Variants in GRIK3 observed in about 807,000 individuals in gnomAD.
GRIK3 encodes the protein glutamate receptor ionotropic, kainate 3.
Under a neutral mutation model 102.5 loss-of-function variants are expected in GRIK3, and 29 were observed. That is an observed-to-expected ratio of 0.28 (90% CI 0.21 to 0.39). The LOEUF (loss-of-function observed/expected upper bound fraction) is 0.39, where lower values mean the gene tolerates loss of function less well. Ranked by LOEUF, GRIK3 falls within the 10% of genes least tolerant of loss-of-function variation. GRIK3 has a pLI of 1.00. For missense variants in GRIK3, 908 were observed against 1,252.4 expected, an observed-to-expected ratio of 0.73 and a Z score of 4.15; for synonymous variants, 511 against 504.9, an observed-to-expected ratio of 1.01 and a Z score of -0.16.
At chr1:36,846,465 CT>C (rs1157905868) in intron 9 of GRIK3, among the ~76,000 whole-genome samples, 2 of 152,200 alleles carry the variant, frequency 1.3e-5, no homozygotes, top group African/African-American at 4.8e-5. Flanking sequence ...GAAACTCCCC[CT>C]TATCAGGGGT....
intron 1 of GRIK3, among the ~76,000 whole-genome samples, chr1:36,931,288 C>T (rs1641585524): frequency 6.6e-6 from 1 of 152,210 alleles, no homozygotes; most frequent in South Asian, 2.1e-4. Flanking sequence ...TTCCTACTGA[C>T]ATCAGCTCCC....
rs1381871849 is a variant in GRIK3 at position 36,850,719 on chromosome 1, C to T, written c.1213-295G>A. On this transcript the variant is annotated intron_variant, in intron 8 of 15. Transcript: ENST00000373091. The surrounding 1 kb of genome is among the most constrained non-coding windows in gnomAD (Gnocchi z 4.0). The stretch of plus-strand genomic sequence containing the variant: ...AAAATGCAGAGAGAGACAGCAAATG[C>T]GAAGGCAGCCCCAGGGGTCTCAGGG... 2.0e-5 allele frequency among the ~76,000 whole-genome samples: 3 copies of T among 152,174 alleles called. No homozygotes were observed. The highest frequency in any genetic ancestry group is 4.4e-5 in the Non-Finnish European group (3 of 68,034).
chr1:36,914,551 C>T (rs906150139), intron 1 of GRIK3, among the ~76,000 whole-genome samples: 5 of 152,174 alleles, frequency 3.3e-5, no homozygotes, highest in Admixed American at 2.0e-4. Flanking sequence ...GTTACAGTGA[C>T]TTGGGCAAAA....
At chr1:37,010,898 C>A (rs1249461382) in intron 1 of GRIK3, among the ~76,000 whole-genome samples, 1 of 152,028 alleles carries the variant, frequency 6.6e-6, no homozygotes, top group Non-Finnish European at 1.5e-5. Flanking sequence ...CCCACCACCG[C>A]GCCCGGCTAA....
In GRIK3 at chr1:36,806,967, G is replaced by A. The variant is rs1161105972; in HGVS notation, c.2092-641C>T. ...TCCCCTTTCACTTCAACCAATGGAG[G>A]CCTCTTTTATGTCCTGTTTCAGGGG... is the stretch of plus-strand genomic sequence containing the variant. On this transcript the variant is annotated intron_variant, in intron 13 of 15. Coordinates refer to ENST00000373091, the MANE Select transcript of GRIK3 (RefSeq NM_000831.4). The surrounding 1 kb of genome is among the most constrained non-coding windows in gnomAD (Gnocchi z 4.0). Among the ~76,000 whole-genome samples, 2 of 152,172 alleles carry A rather than the reference G, an allele frequency of 1.3e-5. No homozygotes were observed. Among genetic ancestry groups the A allele is most frequent in the Non-Finnish European group, 1.5e-5 (1 of 68,040 alleles).
chr1:36,918,144 G>A (rs959426893), intron 1 of GRIK3, among the ~76,000 whole-genome samples: 3 of 152,192 alleles, frequency 2.0e-5, no homozygotes, highest in African/African-American at 7.2e-5. Flanking sequence ...TAACCTTCTG[G>A]TGTTAGTTAG....
At chr1:36,852,968 C>T (rs1306531520) in intron 8 of GRIK3, among the ~76,000 whole-genome samples, 3 of 152,220 alleles carry the variant, frequency 2.0e-5, no homozygotes. Context: ...CTCATTAAAA[C>T]ATCTCTATGT....
intron 1 of GRIK3, among the ~76,000 whole-genome samples, chr1:36,995,342 T>A (rs948323256): frequency 6.6e-6 from 1 of 152,144 alleles, no homozygotes; most frequent in Non-Finnish European, 1.5e-5. Context: ...GTTTTGCATT[T>A]TAAGACCCCT....
intron 2 of GRIK3, among the ~76,000 whole-genome samples, chr1:36,887,538 C>T (rs894488582): frequency 4.6e-5 from 7 of 151,814 alleles, no homozygotes; most frequent in African/African-American, 1.7e-4. Flanking sequence ...GGGTGGATCA[C>T]GAGGTCAGGA....
In GRIK3 at chr1:36,859,873, C is replaced by T. The variant is rs372972729; in HGVS notation, c.931G>A (p.Glu311Lys). The change falls in exon 6 of 16, where the codon GAG becomes AAG. Residue 311 changes from glutamate (E) to lysine (K), a missense_variant. Transcript: ENST00000373091. ...MERLQAAPRS[E>K]SGLLDGVMMT... ...ATCACTCCATCCAGCAGGCCAGACT[C>T]GGACCGGGGAGCTGCCTGCAGCCGC... 30 of 1,614,018 alleles carry T rather than the reference C, an allele frequency of 1.9e-5. No homozygotes were observed. Among genetic ancestry groups the T allele is most frequent in the Middle Eastern group, 3.3e-4 (2 of 6,040 alleles).
intron 2 of GRIK3, among the ~76,000 whole-genome samples, chr1:36,890,060 C>G (rs570513813): frequency 1.3e-5 from 2 of 152,040 alleles, no homozygotes; most frequent in East Asian, 3.9e-4. Context: ...GACACAACAG[C>G]AGAGAGAGGG....
At chr1:36,948,360 A>T in intron 1 of GRIK3, among the ~76,000 whole-genome samples, 1 of 152,162 alleles carries the variant, frequency 6.6e-6, no homozygotes, top group East Asian at 1.9e-4. Context: ...ATGCTGAGAA[A>T]GCACCTCCTG....
chr1:36,844,153 C>A (rs1640493108), intron 9 of GRIK3, among the ~76,000 whole-genome samples: 1 of 152,238 alleles, frequency 6.6e-6, no homozygotes. Flanking sequence ...TTTCAACAGT[C>A]CCTTGGGATG....
chr1:36,997,899 C>T (rs368018592), intron 1 of GRIK3, among the ~76,000 whole-genome samples: 38 of 152,268 alleles, frequency 2.5e-4, no homozygotes, highest in African/African-American at 8.9e-4. Flanking sequence ...CTAGGGAGAG[C>T]TAGAGGTGAC....
chr1:36,945,964 C>A (rs1218490323), intron 1 of GRIK3, among the ~76,000 whole-genome samples: 1 of 152,190 alleles, frequency 6.6e-6, no homozygotes, highest in Non-Finnish European at 1.5e-5. Flanking sequence ...GGATGTCAAA[C>A]TCCTGGCCCC....
At chr1:36,975,769 G>A (rs1240950319) in intron 1 of GRIK3, among the ~76,000 whole-genome samples, 2 of 152,156 alleles carry the variant, frequency 1.3e-5, no homozygotes, top group Non-Finnish European at 2.9e-5. Flanking sequence ...CTCCTTTGGT[G>A]CCGCTCATTA....
At chr1:36,919,809 C>G (rs928198248) in intron 1 of GRIK3, among the ~76,000 whole-genome samples, 2 of 152,232 alleles carry the variant, frequency 1.3e-5, no homozygotes, top group African/African-American at 4.8e-5. Flanking sequence ...TAGGAGAACT[C>G]AGTGCCCATG....
intron 1 of GRIK3, among the ~76,000 whole-genome samples, chr1:37,031,177 CACA>C (rs1478014482): frequency 4.6e-5 from 7 of 152,330 alleles, no homozygotes; most frequent in African/African-American, 9.6e-5. Flanking sequence ...ACCTTCAATG[CACA>C]ACATTTGATA....
intron 1 of GRIK3, among the ~76,000 whole-genome samples, chr1:36,957,423 ATGAGCCTCTGTGCTCTG>A (rs1250143623): frequency 1.9e-5 from 1 of 52,842 alleles, no homozygotes. Context: ...TGTGTGCCCC[ATGAGCCTCTGTGCTCTG>A]TGAGTCTGTG....
Sources: allele counts gnomAD v4.1 joint callset (sites outside exome capture counted in the v4.1 genomes callset), GRCh38; gene constraint gnomAD v4.1.1; non-coding constraint Gnocchi (gnomAD v3.1); transcripts MANE v1.5; gene names NCBI Gene and HGNC (gene_info 2026-07-23, HGNC 2026-07-21).